The following TSNARE1 variants were observed in gnomAD, a reference collection of about 807,000 sequenced individuals.
TSNARE1 encodes the protein t-SNARE domain containing 1.
Under a neutral mutation model 62.0 loss-of-function variants are expected in TSNARE1, and 49 were observed. The ratio of observed to expected loss-of-function variants is 0.79; its 90% confidence interval spans 0.63 to 1.00. TSNARE1 has a LOEUF of 1.00. Ranked by LOEUF, TSNARE1 falls within the 50% of genes least tolerant of loss-of-function variation. The pLI is 0.00. For missense variants in TSNARE1, 755 were observed against 700.1 expected (o/e 1.08, Z -0.88); for synonymous variants, 328 against 294.4 (o/e 1.11, Z -1.17).
chr8:142,280,103 G>T (rs1821165389), intron 11 of TSNARE1: 1 of 1,171,618 alleles, frequency 8.5e-7, no homozygotes, highest in Non-Finnish European at 1.1e-6. Context: ...TTTCGGGCAG[G>T]TGTGCCCCGC....
At chr8:142,290,145 C>T (rs562482720) in intron 10 of TSNARE1, among the ~76,000 whole-genome samples, 7 of 152,308 alleles carry the variant, frequency 4.6e-5, no homozygotes, top group African/African-American at 1.7e-4. Context: ...TAGGTGGGAG[C>T]CTAGTTCCAG....
intron 1 of TSNARE1, among the ~76,000 whole-genome samples, chr8:142,371,392 G>A (rs989559704): frequency 2.0e-5 from 3 of 152,204 alleles, no homozygotes; most frequent in South Asian, 4.1e-4. Context: ...GCAGGGGGCA[G>A]GAGAAAACAT....
chr8:142,276,716 T>C (rs1820563606), intron 11 of TSNARE1: 1 of 985,374 alleles, frequency 1.0e-6, no homozygotes. Context: ...GCCCTGGCCC[T>C]GGGGACTCTG....
At chr8:142,230,689 G>A (rs1268782981) in intron 12 of TSNARE1, among the ~76,000 whole-genome samples, 7 of 152,088 alleles carry the variant, frequency 4.6e-5, no homozygotes, top group Non-Finnish European at 5.9e-5. Flanking sequence ...GAAGTATAAA[G>A]GACAAGCCAA....
chr8:142,382,546 A>G (rs1249418956), intron 1 of TSNARE1, among the ~76,000 whole-genome samples: 2 of 152,160 alleles, frequency 1.3e-5, no homozygotes, highest in African/African-American at 4.8e-5. Flanking sequence ...AGCTGCACAC[A>G]GCCCAAGAGT....
intron 6 of TSNARE1, chr8:142,326,081 G>A (rs13253068): frequency 0.15 from 24,236 of 162,332 alleles, 1,652 homozygotes; most frequent in East Asian, 0.19. Context: ...CGGAGAGCAC[G>A]AGACGGATGA....
chr8:142,274,786 G>T lies in TSNARE1; in HGVS notation c.1441C>A (p.His481Asn). 6.4e-7 allele frequency: 1 copy of T among 1,569,422 alleles called. No individual in the cohort carries two copies. The change falls in exon 12 of 14, where the codon CAC (histidine) becomes AAC (asparagine). Residue 481 changes from histidine (H) to asparagine (N), a missense_variant. His to Asn is a moderately conservative substitution (Grantham distance 68). Transcript: ENST00000524325. ...TGGCCCTCACACGGACTTACTTGGT[G>T]CCGGCTGGCTCCAGCCAGGAGCTGG... is the stretch of plus-strand genomic sequence containing the variant. The part of the protein sequence containing the change: ...ARQLLAGASR[H>N]QLQRHKIKCC...
rs1359235245 is a variant in TSNARE1, at chr8:142,392,445, TGAC to T, written c.-40+10656_-40+10658del. On this transcript the variant is annotated intron_variant, in intron 1 of 13. Transcript: ENST00000524325. ...GTAGCGTATGTGCTGAACTGTTAGA[TGAC>T]GGGCAGTGTAGCAGGTCTGCTTGCA... Among the ~76,000 whole-genome samples the T allele has an allele frequency of 2.6e-5, 4 of 152,258 alleles. No homozygotes were observed. In the East Asian group the frequency reaches 7.7e-4, roughly 29 times the overall value.
intron 6 of TSNARE1, among the ~76,000 whole-genome samples, chr8:142,328,303 T>C (rs1047445870): frequency 3.3e-5 from 5 of 152,230 alleles, no homozygotes; most frequent in Non-Finnish European, 7.3e-5. Flanking sequence ...GTATTTGTTC[T>C]AAACATGCTC....
At chr8:142,364,257 C>T (rs1210297245) in intron 1 of TSNARE1, among the ~76,000 whole-genome samples, 2 of 152,178 alleles carry the variant, frequency 1.3e-5, no homozygotes, top group African/African-American at 4.8e-5. Context: ...GAAGCATGTC[C>T]TCGTCATCCT....
At chr8:142,282,349 G>A (rs969682920) in intron 11 of TSNARE1, among the ~76,000 whole-genome samples, 17 of 152,276 alleles carry the variant, frequency 1.1e-4, no homozygotes, top group Non-Finnish European at 2.2e-4. Context: ...ATGAAGGCGT[G>A]GAGGCTAGTA....
At chr8:142,292,221 T>C (rs1823905047) in intron 10 of TSNARE1, among the ~76,000 whole-genome samples, 1 of 152,048 alleles carries the variant, frequency 6.6e-6, no homozygotes, top group Non-Finnish European at 1.5e-5. Context: ...TCTCCACCCT[T>C]GGCTCTCCGA....
intron 13 of TSNARE1, among the ~76,000 whole-genome samples, chr8:142,226,969 G>A (rs10093076): frequency 0.011 from 951 of 86,890 alleles, 35 homozygotes; most frequent in African/African-American, 0.038. Context: ...GCACCCACAC[G>A]GCAGTGACAG....
intron 1 of TSNARE1, among the ~76,000 whole-genome samples, chr8:142,390,633 CGGGGG>C (rs1837439768): frequency 4.7e-5 from 1 of 21,224 alleles, no homozygotes; most frequent in African/African-American, 4.7e-4. Context: ...CTGTACACTG[CGGGGG>C]ACTCTGTAAC....
At chr8:142,396,743 C>T (rs146587662) in intron 1 of TSNARE1, among the ~76,000 whole-genome samples, 40 of 152,274 alleles carry the variant, frequency 2.6e-4, no homozygotes, top group African/African-American at 8.7e-4. Context: ...TTACCACCCC[C>T]GTGACTTCAG....
At chr8:142,303,196 T>C (rs1826056519) in intron 9 of TSNARE1, among the ~76,000 whole-genome samples, 2 of 152,142 alleles carry the variant, frequency 1.3e-5, no homozygotes, top group Non-Finnish European at 2.9e-5. Flanking sequence ...GAAAGCTGCC[T>C]CACCATGCCA....
intron 11 of TSNARE1, among the ~76,000 whole-genome samples, chr8:142,280,666 T>A (rs1357567831): frequency 6.6e-6 from 1 of 152,160 alleles, no homozygotes; most frequent in Non-Finnish European, 1.5e-5. Flanking sequence ...GACTGATCAA[T>A]CTGTCACTGG....
intron 9 of TSNARE1, among the ~76,000 whole-genome samples, chr8:142,306,009 C>A (rs1826606535): frequency 6.6e-6 from 1 of 152,182 alleles, no homozygotes. Context: ...ACCACTTTCT[C>A]ATGCACTCCG....
intron 10 of TSNARE1, among the ~76,000 whole-genome samples, chr8:142,296,238 T>C (rs1310939772): frequency 3.7e-5 from 1 of 26,764 alleles, no homozygotes; most frequent in Non-Finnish European, 6.9e-5. Flanking sequence ...GCAGTGATGG[T>C]CATGGGGGAG....
Sources: gnomAD v4.1 joint callset for allele counts (sites outside exome capture counted in the v4.1 genomes callset) on GRCh38, gnomAD v4.1.1 for gene constraint, MANE v1.5 for transcripts, NCBI Gene and HGNC (gene_info 2026-07-23, HGNC 2026-07-21) for gene names.